The following TAP1 variants were observed in gnomAD, a reference collection of about 807,000 sequenced individuals.
TAP1 encodes the protein transporter 1, ATP binding cassette subfamily B member.
A neutral mutation model predicts 79.3 loss-of-function variants in TAP1; 56 were observed. The ratio of observed to expected loss-of-function variants is 0.71; its 90% CI spans 0.57 to 0.88. The LOEUF is 0.88. Among genes scored for constraint, TAP1 ranks in the 40% least tolerant of loss-of-function variants. The pLI, the probability that TAP1 is intolerant of heterozygous loss-of-function variation, is 0.00. For synonymous variants in TAP1, 355 were observed against 401.4 expected (o/e 0.88, Z 1.38); for missense variants, 737 against 936.3 (o/e 0.79, Z 2.78).
In TAP1 at chr6:32,850,482, C is replaced by T. The variant is rs1274911301; in HGVS notation, c.1086G>A (p.Lys362=). 2 of 1,613,918 alleles carry T rather than the reference C, an allele frequency of 1.2e-6. No homozygotes were observed. Among genetic ancestry groups the T allele is most frequent in the South Asian group, 2.2e-5 (2 of 91,082 alleles). Residue 362 remains lysine, a synonymous_variant, in exon 5 of 11, where the codon AAG becomes AAA. Coordinates refer to ENST00000354258, the MANE Select transcript of TAP1 (RefSeq NM_000593.6). The surrounding 1 kb of genome is among the most constrained non-coding windows in gnomAD (Gnocchi z 5.5). ...LEVQVRESLA[K]SSQVAIEALS... is the part of the protein sequence containing the mutation. Reference sequence around the variant, plus strand: ...GAGCCTCAATGGCCACCTGGCTGGACTTTGCCAGAGATTCCCGCACCTGCA... The same window carrying T: ...GAGCCTCAATGGCCACCTGGCTGGATTTTGCCAGAGATTCCCGCACCTGCA...
At chr6:32,846,828 A>G (rs538641808) in intron 10 of TAP1, among the ~76,000 whole-genome samples, 1 of 151,716 alleles carries the variant, frequency 6.6e-6, no homozygotes, top group Admixed American at 6.6e-5. Flanking sequence ...AAAAAAAAAA[A>G]GGAAAGAAAG....
In TAP1 at chr6:32,846,020, C is replaced by T. The variant is rs540167804; in HGVS notation, c.2041-235G>A. 486 of 591,368 alleles carry T rather than the reference C, an allele frequency of 8.2e-4. 1 individual carries two copies. The highest frequency in any genetic ancestry group is 1.5e-3 in the South Asian group (76 of 49,942). The allele number at this position is 591,368 out of a possible 1,614,324, so 36.6% of individuals were successfully genotyped here. ...AAAATGAGAACCCTAGGGTGAAACACGTGACAGAAGAATAAAGACTATTGA... is the reference window on the plus strand; with the variant it reads ...AAAATGAGAACCCTAGGGTGAAACATGTGACAGAAGAATAAAGACTATTGA... On this transcript the variant is annotated intron_variant, in intron 10 of 10. Transcript: ENST00000354258.
At chr6:32,849,683 G>A (rs1017602426) in intron 5 of TAP1, 5 of 174,274 alleles carry the variant, frequency 2.9e-5, no homozygotes, top group East Asian at 3.1e-4. Context: ...CCCGGGAGGC[G>A]GAGCTTGCAG....
rs1413766155 is a variant in TAP1 at position 32,850,693 on chromosome 6, C to T, written c.1051-176G>A. Among the ~76,000 whole-genome samples, 1 of 152,150 alleles carries T rather than the reference C, an allele frequency of 6.6e-6. No individual in the cohort carries two copies. The highest frequency in any genetic ancestry group is 1.5e-5 in the Non-Finnish European group (1 of 68,034). ...AGAAATACGAGGAAGAGGAAAATGA[C>T]TCAGAACGGGTTGGGGATCAAATTC... On this transcript the variant is annotated intron_variant, in intron 4 of 10. Coordinates refer to ENST00000354258, the MANE Select transcript of TAP1 (RefSeq NM_000593.6). This position sits in a 1 kb window ranked among gnomAD's most constrained non-coding sequence, Gnocchi z 5.5.
rs890009591 is a variant in TAP1 at position 32,850,977 on chromosome 6, GA to G, written c.1016del (p.Phe339SerfsTer59). On this transcript the variant is annotated frameshift_variant, in exon 4 of 11. Transcript: ENST00000354258. LOFTEE classifies it high-confidence loss of function. This position sits in a 1 kb window ranked among gnomAD's most constrained non-coding sequence, Gnocchi z 5.5. The part of the protein sequence containing the change: ...MVTLITLPLL[F>X]LLPKKVGKWY... ...ATTTTCCCACCTTCTTGGGCAGAAGGAAAAGCAGAGGCAGGGTGATCAGGGT... is the reference window on the plus strand; with the variant it reads ...ATTTTCCCACCTTCTTGGGCAGAAGGAAAGCAGAGGCAGGGTGATCAGGGT... 1 of 1,612,878 alleles carries G rather than the reference GA, an allele frequency of 6.2e-7. No homozygotes were observed. Among genetic ancestry groups the G allele is most frequent in the Non-Finnish European group, 8.5e-7 (1 of 1,180,040 alleles).
Position 32,852,043 on chromosome 6 carries a change from G to A in TAP1, c.844+66C>T. 8 of 1,605,672 alleles carry A rather than the reference G, an allele frequency of 5.0e-6. No individual in the cohort carries two copies. Among genetic ancestry groups the A allele is most frequent in the Non-Finnish European group, 6.8e-6 (8 of 1,174,810 alleles). ...AGAGAGAGAGAGCGGGGAGGGGGGA[G>A]ATCAAAGCAGATGTATGAGGATATG... is the stretch of plus-strand genomic sequence containing the variant. On this transcript the variant is annotated intron_variant, in intron 3 of 10. Coordinates refer to ENST00000354258, the MANE Select transcript of TAP1 (RefSeq NM_000593.6). The surrounding 1 kb of genome is among the most constrained non-coding windows in gnomAD (Gnocchi z 4.8).
Position 32,849,030 on chromosome 6 carries a change from G to A in TAP1, c.1337C>T (p.Thr446Ile), listed in dbSNP as rs1770619216. 8 of 1,608,868 alleles carry A rather than the reference G, an allele frequency of 5.0e-6. No homozygotes were observed. The highest frequency in any genetic ancestry group is 2.2e-5 in the East Asian group (1 of 44,770). ...GAACTGCATCTGGTAGAGAACAAAT[G>A]TGACAAGGTTCCCACTGCTTACAGC... ...SGAVSSGNLV[T>I]FVLYQMQFTQ... Residue 446 changes from threonine to isoleucine, a missense_variant, in exon 6 of 11, where the codon ACA becomes ATA. Around this residue, in one of 5 missense-constraint regions of TAP1, gnomAD observed 14 missense variants for 42.0 expected, o/e 0.33. Coordinates refer to ENST00000354258, the MANE Select transcript of TAP1 (RefSeq NM_000593.6).
Position 32,853,099 on chromosome 6 carries a change from G to T in TAP1, c.538C>A (p.Leu180Met), listed in dbSNP as rs923182651. The change falls in exon 1 of 11, where the codon CTG becomes ATG. Residue 180 changes from leucine (L) to methionine (M), a missense_variant. Leu to Met is a conservative substitution (Grantham distance 15). This residue lies in a region of TAP1 where 406 missense variants were observed against 477.2 expected (regional missense o/e 0.85). Transcript: ENST00000354258. This position sits in a 1 kb window ranked among gnomAD's most constrained non-coding sequence, Gnocchi z 8.3. Reference sequence around the variant, plus strand: ...GAGAGGCGGCGCGTCTCCGAGCCCAGGCAGCCTAGAAGCCGACGCACAGGG... The same window carrying T: ...GAGAGGCGGCGCGTCTCCGAGCCCATGCAGCCTAGAAGCCGACGCACAGGG... ...GNPVRRLLGC[L>M]GSETRRLSLF... 1.2e-6 allele frequency: 2 copies of T among 1,612,608 alleles called. No individual in the cohort carries two copies. The highest frequency in any genetic ancestry group is 2.2e-5 in the East Asian group (1 of 44,900).
chr6:32,853,105 C>G lies in TAP1; in HGVS notation c.532G>C (p.Gly178Arg). The G allele has an allele frequency of 9.3e-6, 15 of 1,612,754 alleles. No homozygotes were observed. The South Asian group carries it at 1.5e-4, about 17-fold the overall frequency. ...GSGNPVRRLL[G>R]CLGSETRRLS... ...CGGCGCGTCTCCGAGCCCAGGCAGC[C>G]TAGAAGCCGACGCACAGGGTTTCCA... The change falls in exon 1 of 11, where the codon GGC becomes CGC. Residue 178 changes from glycine to arginine, a missense_variant. By Grantham distance (125) the Gly-to-Arg change is moderately radical. Transcript: ENST00000354258. The surrounding 1 kb of genome is among the most constrained non-coding windows in gnomAD (Gnocchi z 8.3).
chr6:32,849,301 C>G (rs1327844589), intron 5 of TAP1, 183 bp from the exon 6 acceptor site: 9 of 697,358 alleles, frequency 1.3e-5, no homozygotes, highest in Non-Finnish European at 2.2e-5. Context: ...GCACATCATG[C>G]AAGTCACAGT....
At position 32,852,644 on chromosome 6, in the gene TAP1, C is replaced by T. The variant is rs1770864516; in HGVS notation, c.599-142G>A. The T allele has an allele frequency of 1.3e-6, 2 of 1,536,444 alleles. No individual in the cohort carries two copies. Among genetic ancestry groups the T allele is most frequent in the Non-Finnish European group, 1.7e-6 (2 of 1,142,962 alleles). On this transcript the variant is annotated intron_variant, in intron 1 of 10. Coordinates refer to ENST00000354258, the MANE Select transcript of TAP1 (RefSeq NM_000593.6). This position sits in a 1 kb window ranked among gnomAD's most constrained non-coding sequence, Gnocchi z 4.8. Reference sequence around the variant, plus strand: ...AAAGGAAACACTGACGTCTCAATCCCGAACCTAAATAGGCTGCCCTGGAAC... The same window carrying T: ...AAAGGAAACACTGACGTCTCAATCCTGAACCTAAATAGGCTGCCCTGGAAC...
In TAP1 at chr6:32,851,079, T is replaced by C; in HGVS notation, c.915A>G (p.Leu305=). Residue 305 remains leucine (L), a synonymous_variant, in exon 4 of 11, where the codon TTA becomes TTG. Coordinates refer to ENST00000354258, the MANE Select transcript of TAP1 (RefSeq NM_000593.6). The surrounding 1 kb of genome is among the most constrained non-coding windows in gnomAD (Gnocchi z 4.8). ...GGCCTCGCACCAGGTACCACAGAAA[T>C]AAGCTCAGATTCTCACTCAGAGAAT... ...LSDSLSENLS[L]FLWYLVRGLC... The C allele has an allele frequency of 1.2e-6, 2 of 1,612,804 alleles. No individual in the cohort carries two copies. Among genetic ancestry groups the C allele is most frequent in the Non-Finnish European group, 1.7e-6 (2 of 1,179,982 alleles).
chr6:32,847,492 TGAGATGAGTG>T lies in TAP1; in HGVS notation c.1903+11_1903+20del. 6.2e-7 allele frequency: 1 copy of T among 1,612,726 alleles called. No individual in the cohort carries two copies. Among genetic ancestry groups the T allele is most frequent in the Non-Finnish European group, 8.5e-7 (1 of 1,179,890 alleles). Reference sequence around the variant, plus strand: ...AGCAAAGGTAAAGATGGCTGGGTGGTGAGATGAGTGGAGAGAGTACCTGTGTCATAGCCCT... The same window carrying T: ...AGCAAAGGTAAAGATGGCTGGGTGGTGAGAGAGTACCTGTGTCATAGCCCT... On this transcript the variant is annotated intron_variant, in intron 9 of 10. Coordinates refer to ENST00000354258, the MANE Select transcript of TAP1 (RefSeq NM_000593.6). The surrounding 1 kb of genome is among the most constrained non-coding windows in gnomAD (Gnocchi z 4.7).
Position 32,850,498 on chromosome 6 carries a change from C to T in TAP1, c.1070G>A (p.Arg357Gln), listed in dbSNP as rs754828996. The T allele has an allele frequency of 3.7e-5, 59 of 1,613,024 alleles. No homozygotes were observed. In the Admixed American group the frequency reaches 6.2e-4, roughly 17 times the overall value. ...CTGGCTGGACTTTGCCAGAGATTCC[C>T]GCACCTGCACTTCCAGCAACTGTGG... ...KWYQLLEVQV[R>Q]ESLAKSSQVA... Residue 357 changes from arginine (R) to glutamine (Q), a missense_variant, in exon 5 of 11, where the codon CGG becomes CAG. Arg to Gln is a conservative substitution (Grantham distance 43, BLOSUM62 1). Transcript: ENST00000354258. The surrounding 1 kb of genome is among the most constrained non-coding windows in gnomAD (Gnocchi z 5.5).
Position 32,845,466 on chromosome 6 carries a change from G to A in TAP1, c.*113C>T. On this transcript the variant is annotated 3_prime_UTR_variant, in exon 11 of 11. Transcript: ENST00000354258. The surrounding 1 kb of genome is among the most constrained non-coding windows in gnomAD (Gnocchi z 4.5). Reference sequence around the variant, plus strand: ...CTTGGAAAGGAGGTAACACACTCAAGGCAAATTTCAAGTAACTCATCCTGG... The same window carrying A: ...CTTGGAAAGGAGGTAACACACTCAAAGCAAATTTCAAGTAACTCATCCTGG... The A allele has an allele frequency of 8.7e-7, 1 of 1,150,394 alleles. No homozygotes were observed. The highest frequency in any genetic ancestry group is 1.3e-6 in the Non-Finnish European group (1 of 778,198). 71.3% of individuals were successfully genotyped at this position (1,150,394 alleles called of 1,614,324 possible).
intron 5 of TAP1, 137 bp from the exon 6 acceptor site, chr6:32,849,255 A>G (rs1770638835): frequency 2.0e-6 from 2 of 1,023,648 alleles, no homozygotes; most frequent in Admixed American, 2.0e-5. Flanking sequence ...GGCAGACAGG[A>G]GAATGAACCA....
intron 10 of TAP1, 111 bp downstream of exon 10, chr6:32,846,957 A>C (rs1284634085): frequency 1.3e-6 from 2 of 1,542,468 alleles, no homozygotes; most frequent in Admixed American, 1.7e-5. Flanking sequence ...TTGGGAACTG[A>C]GAACTGCAAG....
Position 32,847,163 on chromosome 6 carries a change from G to T in TAP1, c.1945C>A (p.Gln649Lys). Residue 649 changes from glutamine (Q) to lysine (K), a missense_variant, in exon 10 of 11, where the codon CAG becomes AAG. By Grantham distance (53) the Gln-to-Lys change is moderately conservative. Coordinates refer to ENST00000354258, the MANE Select transcript of TAP1 (RefSeq NM_000593.6). The surrounding 1 kb of genome is among the most constrained non-coding windows in gnomAD (Gnocchi z 4.7). ...AATGCTCGGGCCAACGCCACTGCCT[G>T]TCGCTGACCCCCTGACAGCTGGCTC... ...AGSQLSGGQRQAVALARALIR... is the reference protein window; with the variant it reads ...AGSQLSGGQRKAVALARALIR... 6.2e-7 allele frequency: 1 copy of T among 1,612,678 alleles called. No homozygotes were observed. Among genetic ancestry groups the T allele is most frequent in the Non-Finnish European group, 8.5e-7 (1 of 1,180,030 alleles).
rs1259605708 is a variant in TAP1, at chr6:32,845,694, T to C, written c.2132A>G (p.His711Arg). Residue 711 changes from histidine (H) to arginine (R), a missense_variant, in exon 11 of 11, where the codon CAC becomes CGC. Transcript: ENST00000354258. This position sits in a 1 kb window ranked among gnomAD's most constrained non-coding sequence, Gnocchi z 4.5. ...QHLSLVEQAD[H>R]ILFLEGGAIR... is the part of the protein sequence containing the mutation. ...AGCGCCTCCTTCCAGAAAGAGGATG[T>C]GGTCAGCCTGCTCCACCAGGCTGAG... 1.2e-6 allele frequency: 2 copies of C among 1,613,006 alleles called. No individual in the cohort carries two copies. The highest frequency in any genetic ancestry group is 8.5e-7 in the Non-Finnish European group (1 of 1,180,012).
Sources: allele counts gnomAD v4.1 joint callset (sites outside exome capture counted in the v4.1 genomes callset), GRCh38; gene constraint gnomAD v4.1.1; regional missense constraint gnomAD v4.1.1; non-coding constraint Gnocchi (gnomAD v3.1); transcripts MANE v1.5; gene names NCBI Gene and HGNC (gene_info 2026-07-23, HGNC 2026-07-21).